BLTP3B: variants seen among roughly 807,000 people sequenced by gnomAD.
BLTP3B encodes bridge-like lipid transfer protein family member 3B.
the BLTP3B span, among the ~76,000 whole-genome samples, chr12:100,074,534 G>A: frequency 4.6e-5 from 7 of 151,530 alleles, no homozygotes; most frequent in Non-Finnish European, 7.4e-5. Flanking sequence ...GGGAGACGGA[G>A]GTTGTAGTGA....
the BLTP3B span, chr12:100,051,397 CTA>C: frequency 2.0e-6 from 1 of 498,018 alleles, no homozygotes. Context: ...AATGAATGTG[CTA>C]TAATTCAATA....
At chr12:100,096,452 G>A in the BLTP3B span, among the ~76,000 whole-genome samples, 1 of 151,964 alleles carries the variant, frequency 6.6e-6, no homozygotes, top group African/African-American at 2.4e-5. Context: ...TTCAATAGAA[G>A]AAATGAAATT....
At chr12:100,062,300 T>G in the BLTP3B span, among the ~76,000 whole-genome samples, 1 of 152,236 alleles carries the variant, frequency 6.6e-6, no homozygotes, top group Non-Finnish European at 1.5e-5. Context: ...TTTTGGCTTT[T>G]TCTTCTTTAT....
At chr12:100,142,724 G>A in the BLTP3B span, 1 of 1,529,060 alleles carries the variant, frequency 6.5e-7, no homozygotes, top group Non-Finnish European at 8.8e-7. Context: ...CGGCTAGCCC[G>A]GCCGGCGGAG....
chr12:100,056,522 T>A, the BLTP3B span, among the ~76,000 whole-genome samples: 2 of 151,996 alleles, frequency 1.3e-5, no homozygotes, highest in African/African-American at 4.8e-5. Flanking sequence ...TCTAAATCAG[T>A]GGGCTTATTT....
chr12:100,090,597 G>T, the BLTP3B span, among the ~76,000 whole-genome samples: 1 of 152,082 alleles, frequency 6.6e-6, no homozygotes, highest in East Asian at 1.9e-4. Flanking sequence ...GAAGAACTAT[G>T]ATCATACTGT....
At chr12:100,117,340 T>C in the BLTP3B span, among the ~76,000 whole-genome samples, 1 of 152,284 alleles carries the variant, frequency 6.6e-6, no homozygotes, top group Non-Finnish European at 1.5e-5. Flanking sequence ...GTACCCCTGA[T>C]TTGACATAAT....
At chr12:100,116,832 A>T in the BLTP3B span, among the ~76,000 whole-genome samples, 1 of 152,216 alleles carries the variant, frequency 6.6e-6, no homozygotes, top group Non-Finnish European at 1.5e-5. Flanking sequence ...TCACCTGTGT[A>T]GAAAATCATA....
At chr12:100,126,432 T>C in the BLTP3B span, among the ~76,000 whole-genome samples, 1 of 151,788 alleles carries the variant, frequency 6.6e-6, no homozygotes, top group East Asian at 1.9e-4. Context: ...AGACTGCTCA[T>C]GGTTCAACTC....
the BLTP3B span, among the ~76,000 whole-genome samples, chr12:100,091,247 T>TG: frequency 6.9e-6 from 1 of 145,482 alleles, no homozygotes; most frequent in South Asian, 2.2e-4. Flanking sequence ...TGGAGTGTAG[T>TG]GGCATGATCT....
At chr12:100,097,264 T>C in the BLTP3B span, 1 of 1,230,380 alleles carries the variant, frequency 8.1e-7, no homozygotes, top group Non-Finnish European at 1.1e-6. Flanking sequence ...CCTAAGACAT[T>C]GTTTAAAATT....
the BLTP3B span, among the ~76,000 whole-genome samples, chr12:100,121,557 A>G: frequency 1.3e-5 from 2 of 152,050 alleles, no homozygotes; most frequent in Non-Finnish European, 2.9e-5. Context: ...CAGGCCAGGC[A>G]TGGTGGCTCA....
the BLTP3B span, chr12:100,089,246 G>T: frequency 2.8e-6 from 2 of 705,066 alleles, no homozygotes; most frequent in Non-Finnish European, 4.2e-6. Flanking sequence ...AATATTTTCT[G>T]AATTACCTAA....
At chr12:100,047,134 T>C in the BLTP3B span, among the ~76,000 whole-genome samples, 1 of 152,142 alleles carries the variant, frequency 6.6e-6, no homozygotes, top group Non-Finnish European at 1.5e-5. Context: ...ATAAGAAATA[T>C]AATAAGTGAA....
the BLTP3B span, among the ~76,000 whole-genome samples, chr12:100,067,564 T>C: frequency 6.6e-6 from 1 of 152,154 alleles, no homozygotes; most frequent in Non-Finnish European, 1.5e-5. Context: ...AACATCTTTA[T>C]GTGCATATAC....
At chr12:100,130,987 GAGAGAGAGAGAGAGAGAGAGAGA>G in the BLTP3B span, among the ~76,000 whole-genome samples, 1 of 76,270 alleles carries the variant, frequency 1.3e-5, no homozygotes, top group Non-Finnish European at 2.8e-5. Flanking sequence ...GGGAGGGAGA[GAGAGAGAGAGAGAGAGAGAGAGA>G]GAGAGAGAGA....
At chr12:100,067,316 C>G in the BLTP3B span, among the ~76,000 whole-genome samples, 1 of 152,042 alleles carries the variant, frequency 6.6e-6, no homozygotes, top group Non-Finnish European at 1.5e-5. Context: ...CCAAACCCAG[C>G]AGAAGAAAGG....
At chr12:100,041,116 T>C in the BLTP3B span, among the ~76,000 whole-genome samples, 7 of 152,166 alleles carry the variant, frequency 4.6e-5, 1 homozygote, top group Admixed American at 1.3e-4. Context: ...TAAAGCATGG[T>C]CAACTGGGAT....
the BLTP3B span, among the ~76,000 whole-genome samples, chr12:100,134,379 G>C: frequency 6.6e-6 from 1 of 152,182 alleles, no homozygotes; most frequent in African/African-American, 2.4e-5. Context: ...GCTGAGGCAG[G>C]TGGATCACTT....
Sources: allele counts gnomAD v4.1 joint callset (sites outside exome capture counted in the v4.1 genomes callset), GRCh38; gene constraint gnomAD v4.1.1; transcripts MANE v1.5; gene names NCBI Gene and HGNC (gene_info 2026-07-23, HGNC 2026-07-21).